Variants in PDE10A observed in about 807,000 individuals in gnomAD.
PDE10A encodes cAMP and cAMP-inhibited cGMP 3',5'-cyclic phosphodiesterase 10A.
In PDE10A, 39 loss-of-function variants were observed where a neutral mutation model predicts 97.7. The observed-to-expected ratio is 0.40, with a 90% CI of 0.31 to 0.52. PDE10A has a LOEUF of 0.52. PDE10A is among the 20% of genes least tolerant of loss of function. The pLI is 0.56. For synonymous variants in PDE10A, 371 were observed against 376.8 expected (o/e 0.98, Z 0.18); for missense variants, 731 against 1,047.8 (o/e 0.70, Z 4.17).
At chr6:165,820,583 G>A (rs1290589968) in intron 1 of PDE10A, among the ~76,000 whole-genome samples, 1 of 152,208 alleles carries the variant, frequency 6.6e-6, no homozygotes, top group Non-Finnish European at 1.5e-5. Flanking sequence ...CCTGTACTCA[G>A]CATGAGCCCA....
intron 1 of PDE10A, among the ~76,000 whole-genome samples, chr6:165,715,571 G>C (rs899373352): frequency 6.6e-6 from 1 of 152,158 alleles, no homozygotes. Flanking sequence ...AAGGAGGAGG[G>C]AGAGGTGAAG....
At chr6:165,598,555 T>A (rs1786740633) in intron 1 of PDE10A, among the ~76,000 whole-genome samples, 1 of 152,180 alleles carries the variant, frequency 6.6e-6, no homozygotes, top group South Asian at 2.1e-4. Flanking sequence ...GGCAATGGAC[T>A]TATCCTAAGG....
At chr6:165,715,865 C>T (rs1562700825) in intron 1 of PDE10A, among the ~76,000 whole-genome samples, 1 of 152,200 alleles carries the variant, frequency 6.6e-6, no homozygotes, top group African/African-American at 2.4e-5. Flanking sequence ...ACGAATGTTA[C>T]TGCACATTAC....
At chr6:165,974,583 C>G (rs1784794348) in intron 1 of PDE10A, among the ~76,000 whole-genome samples, 6 of 152,170 alleles carry the variant, frequency 3.9e-5, no homozygotes, top group Admixed American at 3.9e-4. Context: ...AAGTAAGTAT[C>G]AATTTTGCTG....
rs117872595 is a variant in PDE10A at position 165,945,051 on chromosome 6, C to T, written c.-615+42478G>A. ...TTCACATCCCCCATGTTGCACAGGG[C>T]GGTTGGTTTGTGTGACCAACAGAAC... On this transcript the variant is annotated intron_variant, in intron 1 of 19. Coordinates refer to the PDE10A transcript ENST00000366882. Among the ~76,000 whole-genome samples the T allele has an allele frequency of 2.8e-3, 423 of 152,300 alleles. 1 individual carries two copies. Among genetic ancestry groups the T allele is most frequent in the Admixed American group, 5.4e-3 (83 of 15,306 alleles).
chr6:165,975,209 C>G (rs541327062), intron 1 of PDE10A, among the ~76,000 whole-genome samples: 1 of 152,176 alleles, frequency 6.6e-6, no homozygotes, highest in Non-Finnish European at 1.5e-5. Context: ...GACTGAGAGC[C>G]GGGAGGTATT....
chr6:165,407,778 A>G (rs1375333703), intron 13 of PDE10A, among the ~76,000 whole-genome samples: 1 of 152,220 alleles, frequency 6.6e-6, no homozygotes, highest in African/African-American at 2.4e-5. Flanking sequence ...CTGTCCTATT[A>G]GCTTTTCTAA....
At chr6:165,563,888 CA>C (rs36101210) in intron 1 of PDE10A, among the ~76,000 whole-genome samples, 9,215 of 112,172 alleles carry the variant, frequency 0.082, 548 homozygotes, top group East Asian at 0.36. Context: ...GAGACTGTCT[CA>C]AAAAAAAAAA....
intron 1 of PDE10A, among the ~76,000 whole-genome samples, chr6:165,861,617 G>A (rs911800477): frequency 2.0e-5 from 3 of 152,006 alleles, no homozygotes; most frequent in African/African-American, 4.8e-5. Context: ...AACAGCAGTC[G>A]CAGGAGGACA....
intron 2 of PDE10A, among the ~76,000 whole-genome samples, chr6:165,533,469 A>G (rs1782902070): frequency 6.6e-6 from 1 of 152,208 alleles, no homozygotes; most frequent in African/African-American, 2.4e-5. Context: ...GTGTCTAAAC[A>G]CAGAAAAGGC....
chr6:165,945,618 A>T lies in PDE10A; in HGVS notation c.-615+41911T>A, dbSNP rs982659083. ...CTTGTTTGCCCATTCCACCATGTGAAAACACAGCACGGAGGTGCCATCTAC... is the reference window on the plus strand; with the variant it reads ...CTTGTTTGCCCATTCCACCATGTGATAACACAGCACGGAGGTGCCATCTAC... On this transcript the variant is annotated intron_variant, in intron 1 of 19. Coordinates refer to the PDE10A transcript ENST00000366882. 2.6e-4 allele frequency among the ~76,000 whole-genome samples: 40 copies of T among 152,200 alleles called. 1 individual carries two copies. Among genetic ancestry groups the T allele is most frequent in the African/African-American group, 9.7e-4 (40 of 41,444 alleles).
At chr6:165,803,678 C>T (rs926278566) in intron 1 of PDE10A, among the ~76,000 whole-genome samples, 3 of 152,150 alleles carry the variant, frequency 2.0e-5, no homozygotes, top group African/African-American at 7.2e-5. Context: ...TAGTGAATTG[C>T]TAAAAATAAA....
At chr6:165,597,725 C>G (rs2983508) in intron 1 of PDE10A, among the ~76,000 whole-genome samples, 29,407 of 152,130 alleles carry the variant, frequency 0.19, 3,417 homozygotes, top group African/African-American at 0.32. Context: ...AACAGCTGTG[C>G]ACAAGATCTC....
At position 165,334,226 on chromosome 6, in the gene PDE10A, A is replaced by G. The variant is rs3799143; in HGVS notation, c.3066-1099T>C. ...GCAGGAATGAGGCAGAGCTGCCCAC[A>G]CAGTGGACACCGTGTTCTCAGAGCT... On this transcript the variant is annotated intron_variant, in intron 21 of 21. Transcript: ENST00000539869. 3.1e-3 allele frequency among the ~76,000 whole-genome samples: 478 copies of G among 152,350 alleles called. 10 individuals are homozygous for G. In the East Asian group the frequency reaches 0.067, roughly 21 times the overall value.
At chr6:165,666,995 T>A (rs1440276350), upstream of PDE10A, among the ~76,000 whole-genome samples, 1 of 152,202 alleles carries the variant, frequency 6.6e-6, no homozygotes, top group Non-Finnish European at 1.5e-5. Context: ...TTACTATTGA[T>A]GTTAAGACAT....
At chr6:165,413,712 A>G (rs1241211952) in intron 12 of PDE10A, 25 bp from the exon 13 acceptor site, 1 of 1,549,806 alleles carries the variant, frequency 6.5e-7, no homozygotes. Flanking sequence ...AACCAAAAAT[A>G]ACAACAACAA....
intron 1 of PDE10A, among the ~76,000 whole-genome samples, chr6:165,599,605 G>A (rs1404355777): frequency 6.6e-6 from 1 of 152,172 alleles, no homozygotes; most frequent in Non-Finnish European, 1.5e-5. Flanking sequence ...TTCTTAGACA[G>A]CCTCAGGGTC....
chr6:165,670,745 G>C (rs10946090), intron 1 of PDE10A, among the ~76,000 whole-genome samples: 46 of 151,820 alleles, frequency 3.0e-4, no homozygotes, highest in South Asian at 4.2e-4. Context: ...TAGTTAGAAG[G>C]GGTAAACAGG....
At chr6:165,728,971 G>C (rs1237780871) in intron 1 of PDE10A, among the ~76,000 whole-genome samples, 1 of 152,168 alleles carries the variant, frequency 6.6e-6, no homozygotes, top group African/African-American at 2.4e-5. Context: ...GCCATGGAGG[G>C]AGGATTGCTT....
Sources: allele counts gnomAD v4.1 joint callset (sites outside exome capture counted in the v4.1 genomes callset), GRCh38; gene constraint gnomAD v4.1.1; transcripts MANE v1.5; gene names NCBI Gene and HGNC (gene_info 2026-07-23, HGNC 2026-07-21).